STAG1: variants seen among roughly 807,000 people sequenced by gnomAD.
STAG1 encodes cohesin subunit SA-1.
In STAG1, 26 loss-of-function variants were observed where a neutral mutation model predicts 170.9. That is an observed-to-expected ratio of 0.15 (90% CI 0.11 to 0.21). The LOEUF is 0.21. STAG1 is among the 10% of genes least tolerant of loss of function. The pLI is 1.00. For synonymous variants in STAG1, 514 were observed against 497.7 expected (o/e 1.03, Z -0.44); for missense variants, 964 against 1,509.5 (o/e 0.64, Z 5.99).
At chr3:136,433,714 A>G (rs1367713705) in intron 15 of STAG1, 55 bp from the exon 16 acceptor site, 3 of 1,198,064 alleles carry the variant, frequency 2.5e-6, no homozygotes, top group East Asian at 2.4e-5. Context: ...ACAACCATGT[A>G]TTAAAAATGA....
chr3:136,466,786 C>T (rs1164589591), intron 12 of STAG1, among the ~76,000 whole-genome samples: 1 of 152,206 alleles, frequency 6.6e-6, no homozygotes, highest in Non-Finnish European at 1.5e-5. Context: ...GGAAGCCCAT[C>T]AGACTAACAG....
chr3:136,623,583 G>A (rs905830191), intron 2 of STAG1, among the ~76,000 whole-genome samples: 7 of 151,950 alleles, frequency 4.6e-5, no homozygotes, highest in Admixed American at 2.0e-4. Flanking sequence ...TATTTATTTT[G>A]TTTATTTTAT....
intron 22 of STAG1, among the ~76,000 whole-genome samples, chr3:136,391,330 G>A (rs1018408121): frequency 2.0e-5 from 3 of 149,744 alleles, no homozygotes; most frequent in Admixed American, 6.7e-5. Context: ...TTCTAGATCC[G>A]CAGGCCAAAG....
chr3:136,510,219 C>G (rs1169408744), intron 7 of STAG1, among the ~76,000 whole-genome samples: 1 of 152,160 alleles, frequency 6.6e-6, no homozygotes, highest in Non-Finnish European at 1.5e-5. Context: ...CAAAGCGGGA[C>G]CAGGTGGAGG....
intron 22 of STAG1, among the ~76,000 whole-genome samples, chr3:136,396,265 G>C (rs2087152948): frequency 6.7e-6 from 1 of 149,794 alleles, no homozygotes; most frequent in Admixed American, 6.7e-5. Context: ...GCCCAGGCGG[G>C]GGTGCAGCCA....
At chr3:136,612,548 C>G (rs1939354482) in intron 3 of STAG1, among the ~76,000 whole-genome samples, 1 of 152,148 alleles carries the variant, frequency 6.6e-6, no homozygotes, top group Non-Finnish European at 1.5e-5. Context: ...AAAAAGTTAG[C>G]TGGACACGGT....
intron 10 of STAG1, among the ~76,000 whole-genome samples, chr3:136,474,848 C>A (rs569000481): frequency 3.9e-5 from 6 of 152,102 alleles, no homozygotes; most frequent in Admixed American, 2.6e-4. Flanking sequence ...GAGAATGGAC[C>A]ACGGTTTACT....
At chr3:136,741,931 G>A (rs916206706) in intron 1 of STAG1, among the ~76,000 whole-genome samples, 5 of 152,088 alleles carry the variant, frequency 3.3e-5, no homozygotes, top group Non-Finnish European at 7.3e-5. Context: ...CAGACTTCAA[G>A]GAAAAGATTA....
intron 5 of STAG1, among the ~76,000 whole-genome samples, chr3:136,558,662 G>T (rs1936721004): frequency 6.6e-6 from 1 of 152,190 alleles, no homozygotes. Context: ...AGAATTCTGT[G>T]ACATCACCTG....
At chr3:136,536,746 A>T (rs1258665822) in intron 6 of STAG1, among the ~76,000 whole-genome samples, 1 of 149,570 alleles carries the variant, frequency 6.7e-6, no homozygotes, top group African/African-American at 2.5e-5. Flanking sequence ...TAGGAGCTAG[A>T]TTGTTTGGGT....
chr3:136,616,826 C>T (rs1939621398), intron 3 of STAG1, among the ~76,000 whole-genome samples: 2 of 152,046 alleles, frequency 1.3e-5, no homozygotes, highest in South Asian at 2.1e-4. Flanking sequence ...CCTGGGAAAT[C>T]GAATCTGTGG....
intron 7 of STAG1, 117 bp from the exon 8 acceptor site, chr3:136,502,896 C>G: frequency 1.3e-6 from 1 of 767,400 alleles, no homozygotes; most frequent in Non-Finnish European, 1.8e-6. Flanking sequence ...GTTTTACAAC[C>G]CAGGCATAAT....
At chr3:136,371,371 T>C (rs990348466) in intron 23 of STAG1, among the ~76,000 whole-genome samples, 178 of 152,292 alleles carry the variant, frequency 1.2e-3, no homozygotes, top group Non-Finnish European at 2.2e-3. Context: ...TAGATCCCAT[T>C]TGTCAATTTT....
chr3:136,745,682 C>T (rs776810848), intron 1 of STAG1, among the ~76,000 whole-genome samples: 6 of 152,162 alleles, frequency 3.9e-5, no homozygotes, highest in Non-Finnish European at 5.9e-5. Flanking sequence ...TCTACCAGGC[C>T]AAAGACCAGT....
At chr3:136,341,625 G>A (rs1467893358) in intron 30 of STAG1, 74 bp from the exon 31 acceptor site, 1 of 946,842 alleles carries the variant, frequency 1.1e-6, no homozygotes, top group African/African-American at 1.6e-5. Context: ...AGCTAAGAAA[G>A]CCAAGGTAGG....
At chr3:136,736,404 T>C (rs1934335833) in intron 1 of STAG1, 1 of 896,850 alleles carries the variant, frequency 1.1e-6, no homozygotes, top group Non-Finnish European at 1.8e-6. Flanking sequence ...CTACTCTATG[T>C]TGGGGTGGAA....
chr3:136,583,326 A>G (rs1011453811), intron 4 of STAG1, among the ~76,000 whole-genome samples: 3 of 152,190 alleles, frequency 2.0e-5, no homozygotes, highest in Non-Finnish European at 4.4e-5. Context: ...ACTCAATATA[A>G]TATCTATAAA....
At chr3:136,623,123 A>C in intron 3 of STAG1, 23 bp downstream of exon 3, 1 of 1,592,000 alleles carries the variant, frequency 6.3e-7, no homozygotes, top group Non-Finnish European at 8.6e-7. Flanking sequence ...TAAAGGAACA[A>C]AGAAGACAAG....
At chr3:136,402,601 CG>C (rs991594729) in intron 21 of STAG1, among the ~76,000 whole-genome samples, 3 of 148,678 alleles carry the variant, frequency 2.0e-5, no homozygotes, top group African/African-American at 7.4e-5. Context: ...CAGGCCGAGG[CG>C]GGTGGATCAC....
Sources: allele counts gnomAD v4.1 joint callset (sites outside exome capture counted in the v4.1 genomes callset), GRCh38; gene constraint gnomAD v4.1.1; transcripts MANE v1.5; gene names NCBI Gene and HGNC (gene_info 2026-07-23, HGNC 2026-07-21).